Variants in CHTF18 observed in about 807,000 individuals in gnomAD.
CHTF18 encodes chromosome transmission fidelity factor 18.
Under a neutral mutation model 113.4 loss-of-function variants are expected in CHTF18, and 151 were observed. The observed-to-expected ratio is 1.33, with a 90% CI of 1.17 to 1.52. The LOEUF is 1.52. Ranked by LOEUF, CHTF18 falls within the 40% of genes most tolerant of loss-of-function variation. CHTF18 has a pLI of 0.00. For missense variants in CHTF18, 1,982 were observed against 1,381.6 expected (o/e 1.43, Z -6.89); for synonymous variants, 916 against 598.8 (o/e 1.53, Z -7.74).
intron 8 of CHTF18, 170 bp from the exon 9 acceptor site, chr16:791,680 TC>T (rs2042200163): frequency 1.1e-5 from 15 of 1,427,886 alleles, no homozygotes; most frequent in Non-Finnish European, 1.3e-5. Context: ...GGTTTTTTTT[TC>T]CGTTGCCATC....
In CHTF18 at chr16:789,671, G is replaced by T. The variant is rs373587237; in HGVS notation, c.562G>T (p.Ala188Ser). 3.5e-5 allele frequency: 56 copies of T among 1,602,658 alleles called. No homozygotes were observed. The African/African-American group carries it at 5.9e-4, about 17-fold the overall frequency. The part of the protein sequence containing the change: ...VHVTSTEGVR[A>S]YLVLRADPMA... ...CGTGACATCCACGGAGGGCGTCCGG[G>T]CTTATCTGGTGCTGCGTGCTGACCC... is the stretch of plus-strand genomic sequence containing the variant. Residue 188 changes from alanine (A) to serine (S), a missense_variant, in exon 4 of 22, where the codon GCT (alanine) becomes TCT (serine). Coordinates refer to ENST00000262315, the MANE Select transcript of CHTF18 (RefSeq NM_022092.3).
At chr16:790,116 G>A (rs1182482568) in intron 4 of CHTF18, 61 bp from the exon 5 acceptor site, 1 of 1,544,634 alleles carries the variant, frequency 6.5e-7, no homozygotes, top group East Asian at 2.4e-5. Context: ...ACTGATGGGG[G>A]CTGACGTGAA....
chr16:795,726 G>C lies in CHTF18; in HGVS notation c.2217G>C (p.Thr739=), dbSNP rs200888038. 1 of 1,605,942 alleles carries C rather than the reference G, an allele frequency of 6.2e-7. No homozygotes were observed. The highest frequency in any genetic ancestry group is 1.1e-5 in the South Asian group (1 of 90,514). The change falls in exon 17 of 22, where the codon ACG becomes ACC. Residue 739 remains threonine (T), a synonymous_variant. Coordinates refer to ENST00000262315, the MANE Select transcript of CHTF18 (RefSeq NM_022092.3). ...GCCAGATGAGGAACCTGATCCAGAC[G>C]CTGGTGTCCGGCATCGCGCCAGCCA... ...RMSQMRNLIQ[T]LVSGIAPATR... is the part of the protein sequence containing the mutation.
chr16:796,134 A>G, intron 18 of CHTF18, 57 bp downstream of exon 18: 2 of 1,558,694 alleles, frequency 1.3e-6, no homozygotes, highest in Non-Finnish European at 1.7e-6. Context: ...GCTGTGCTCC[A>G]TGTTCAGGGC....
chr16:793,118 T>C (rs756953799), intron 13 of CHTF18, 26 bp from the exon 14 acceptor site: 35 of 1,578,924 alleles, frequency 2.2e-5, no homozygotes, highest in Admixed American at 5.4e-5. Context: ...AGTTGGCCGC[T>C]TCTCATGCCC....
Position 790,096 on chromosome 16 carries a change from G to A in CHTF18, c.607-81G>A, listed in dbSNP as rs565158159. The A allele has an allele frequency of 9.1e-6, 14 of 1,540,122 alleles. No individual in the cohort carries two copies. The East Asian group carries it at 3.2e-4, about 35-fold the overall frequency. ...AGCTTACTGGGGTTGTCCCACCCGG[G>A]TCCCTGAGCACTGATGGGGGCTGAC... On this transcript the variant is annotated intron_variant, in intron 4 of 21. Transcript: ENST00000262315.
intron 8 of CHTF18, 195 bp from the exon 9 acceptor site, chr16:791,656 C>A (rs936818267): frequency 7.0e-7 from 1 of 1,427,866 alleles, no homozygotes; most frequent in East Asian, 2.5e-5. Context: ...TCTGCACGAA[C>A]TTTGCTTTGT....
intron 18 of CHTF18, 182 bp from the exon 19 acceptor site, chr16:796,535 C>A (rs973512954): frequency 3.6e-5 from 24 of 671,342 alleles, no homozygotes; most frequent in Non-Finnish European, 5.3e-5. Flanking sequence ...GTTGGGGAAA[C>A]TGAGGCTCGG....
rs28628554 is a variant in CHTF18, at chr16:791,720, C to T, written c.1105-131C>T. The T allele has an allele frequency of 3.9e-3, 5,562 of 1,442,692 alleles. 168 individuals are homozygous for T. In the Admixed American group the frequency reaches 0.063, roughly 16 times the overall value. The allele number at this position is 1,442,692 out of a possible 1,614,324, so 89.4% of individuals were successfully genotyped here. The stretch of plus-strand genomic sequence containing the variant: ...GTGTGTGAAAGTGCTCAATTTTGTT[C>T]TTATTTGATGGCTGGAGTGGGGTGG... On this transcript the variant is annotated intron_variant, in intron 8 of 21. Transcript: ENST00000262315.
At position 796,073 on chromosome 16, in the gene CHTF18, G is replaced by T; in HGVS notation, c.2452G>T (p.Glu818Ter). ...TPDGQYIYRL[E>*]PNVEELCRFP... ...CGATGGCCAGTACATCTACAGGCTG[G>T]AGCCGTGAGTCCCCCAGTGCCTGGG... is the stretch of plus-strand genomic sequence containing the variant. The change falls in exon 18 of 22, where the codon GAG becomes TAG. Residue 818 changes from glutamate (E) to a stop codon, truncating the protein, a stop_gained. Transcript: ENST00000262315. LOFTEE classifies it high-confidence loss of function. 6.2e-7 allele frequency: 1 copy of T among 1,601,466 alleles called. No homozygotes were observed. The highest frequency in any genetic ancestry group is 8.5e-7 in the Non-Finnish European group (1 of 1,175,142).
At position 789,636 on chromosome 16, in the gene CHTF18, ACTACGTCCACGTGACATCCACGGAGGG is replaced by A. The variant is rs1348306945; in HGVS notation, c.529_555del (p.Tyr177_Gly185del). The stretch of plus-strand genomic sequence containing the variant: ...CTGAGGCGGCCCCCCATCTTGGAGG[ACTACGTCCACGTGACATCCACGGAGGG>A]CGTCCGGGCTTATCTGGTGCTGCGT... On this transcript the variant is annotated inframe_deletion, in exon 4 of 22. Transcript: ENST00000262315. 2 of 1,607,462 alleles carry A rather than the reference ACTACGTCCACGTGACATCCACGGAGGG, an allele frequency of 1.2e-6. No individual in the cohort carries two copies. Among genetic ancestry groups the A allele is most frequent in the Admixed American group, 1.7e-5 (1 of 60,006 alleles).
chr16:792,542 C>T lies in CHTF18; in HGVS notation c.1430C>T (p.Ala477Val). ...TCGGGAGGCGGCCGACGGCGCCGGG[C>T]AGAGGGGGGGCTCCTCATGAGGCCC... ...VPSGGGRRRRAEGGLLMRPII... is the reference protein window; with the variant it reads ...VPSGGGRRRRVEGGLLMRPII... Residue 477 changes from alanine (A) to valine (V), a missense_variant, in exon 11 of 22, where the codon GCA (alanine) becomes GTA (valine). By Grantham distance (64) the Ala-to-Val change is moderately conservative. Transcript: ENST00000262315. 1 of 1,596,944 alleles carries T rather than the reference C, an allele frequency of 6.3e-7. No individual in the cohort carries two copies.
Position 790,186 on chromosome 16 carries a change from C to T in CHTF18, c.616C>T (p.Leu206Phe), listed in dbSNP as rs1217988786. The change falls in exon 5 of 22, where the codon CTC becomes TTC. Residue 206 changes from leucine (L) to phenylalanine (F), a missense_variant. Transcript: ENST00000262315. ...PMAPGVQGSL[L>F]HVPWRGGGQL... ...CCTCCCTTCCCCACAGGGCTCTCTC[C>T]TCCACGTCCCATGGCGAGGCGGTGG... is the stretch of plus-strand genomic sequence containing the variant. 14 of 1,598,762 alleles carry T rather than the reference C, an allele frequency of 8.8e-6. No homozygotes were observed. In the South Asian group the frequency reaches 1.1e-4, roughly 13 times the overall value.
chr16:793,832 G>A (rs772785018), intron 14 of CHTF18: 51 of 638,070 alleles, frequency 8.0e-5, no homozygotes, highest in Non-Finnish European at 1.3e-4. Flanking sequence ...TCAGGGCAGG[G>A]CTCCTCTCAG....
intron 15 of CHTF18, chr16:794,727 C>A (rs1294602789): frequency 4.1e-6 from 1 of 245,028 alleles, no homozygotes; most frequent in African/African-American, 2.2e-5. Flanking sequence ...GGGATAGACT[C>A]CCCCACGGAA....
intron 17 of CHTF18, 44 bp from the exon 18 acceptor site, chr16:795,903 G>A (rs1295011045): frequency 1.2e-6 from 2 of 1,601,096 alleles, no homozygotes; most frequent in East Asian, 2.2e-5. Context: ...GCACACATTT[G>A]TACAGCCTGC....
At chr16:797,443 C>A (rs1048131576) in intron 20 of CHTF18, among the ~76,000 whole-genome samples, 125 of 152,126 alleles carry the variant, frequency 8.2e-4, no homozygotes, top group Admixed American at 2.0e-4. Flanking sequence ...TCAGCATGAC[C>A]AGGGTTCTAC....
Position 796,826 on chromosome 16 carries a change from G to A in CHTF18, c.2566G>A (p.Ala856Thr). 6.2e-7 allele frequency: 1 copy of A among 1,607,718 alleles called. No homozygotes were observed. The highest frequency in any genetic ancestry group is 8.5e-7 in the Non-Finnish European group (1 of 1,179,116). The change falls in exon 19 of 22, where the codon GCG becomes ACG. Residue 856 changes from alanine (A) to threonine (T), a missense_variant. Physicochemically the swap from Ala to Thr is moderately conservative, Grantham distance 58 (BLOSUM62 0). Transcript: ENST00000262315. ...REIEVEKMRRAEASARVENSP... is the reference protein window; with the variant it reads ...REIEVEKMRRTEASARVENSP... ...GATCGAGGTGGAGAAGATGCGGCGG[G>A]CGGAGGCTTCTGCCCGGGTAGAGAA...
At chr16:793,106 G>C in intron 13 of CHTF18, 38 bp from the exon 14 acceptor site, 1 of 1,572,310 alleles carries the variant, frequency 6.4e-7, no homozygotes, top group Non-Finnish European at 8.6e-7. Context: ...GGTGGGGTCA[G>C]GAGTTGGCCG....
Sources: gnomAD v4.1 joint callset for allele counts (sites outside exome capture counted in the v4.1 genomes callset) on GRCh38, gnomAD v4.1.1 for gene constraint, MANE v1.5 for transcripts, NCBI Gene and HGNC (gene_info 2026-07-23, HGNC 2026-07-21) for gene names.